NOS1: variants seen among roughly 807,000 people sequenced by gnomAD.
NOS1 encodes nitric oxide synthase 1.
NOS1 carries 51 observed loss-of-function variants against 164.5 expected under a neutral mutation model. The ratio of observed to expected loss-of-function variants is 0.31; its 90% CI spans 0.25 to 0.39. The LOEUF (loss-of-function observed/expected upper bound fraction) is 0.39, where lower values mean the gene tolerates loss of function less well. Among genes scored for constraint, NOS1 ranks in the 10% least tolerant of loss-of-function variants. NOS1 has a pLI of 1.00. For missense variants in NOS1, 1,362 were observed against 1,885.6 expected (o/e 0.72, Z 5.14); for synonymous variants, 719 against 745.8 (o/e 0.96, Z 0.59).
At chr12:117,287,499 T>C (rs948712673) in intron 5 of NOS1, among the ~76,000 whole-genome samples, 6 of 152,018 alleles carry the variant, frequency 3.9e-5, no homozygotes, top group Non-Finnish European at 7.4e-5. Context: ...AGTGCAGTGG[T>C]GTGATCTTGG....
intron 3 of NOS1, among the ~76,000 whole-genome samples, chr12:117,291,327 A>AG (rs1018009672): frequency 1.3e-5 from 2 of 152,170 alleles, no homozygotes; most frequent in Non-Finnish European, 2.9e-5. Flanking sequence ...TTCCTGCCTC[A>AG]GGGCCTTTGC....
In NOS1 at chr12:117,267,447, C is replaced by T. The variant is rs143554936; in HGVS notation, c.1941+596G>A. On this transcript the variant is annotated intron_variant, in intron 11 of 28. Transcript: ENST00000317775. ...ACTAAAAATACAAAAATTAGCTGGG[C>T]GCGGTGGTGGGCATCTGTAATCCCA... 6.4e-3 allele frequency among the ~76,000 whole-genome samples: 979 copies of T among 152,150 alleles called. 10 individuals carry two copies. The highest frequency in any genetic ancestry group is 0.022 in the African/African-American group (932 of 41,532).
intron 13 of NOS1, among the ~76,000 whole-genome samples, chr12:117,260,983 C>T (rs1208673677): frequency 2.0e-5 from 3 of 151,716 alleles, no homozygotes; most frequent in African/African-American, 7.3e-5. Context: ...GCCTGGGCAA[C>T]AAGGTGAAAC....
intron 16 of NOS1, among the ~76,000 whole-genome samples, chr12:117,257,929 C>T (rs1223054115): frequency 6.6e-6 from 1 of 151,768 alleles, no homozygotes; most frequent in East Asian, 1.9e-4. Context: ...CTCAGCCTCC[C>T]GAGTAGCTGG....
chr12:117,339,804 A>T (rs987188384), intron 1 of NOS1, among the ~76,000 whole-genome samples: 6 of 152,194 alleles, frequency 3.9e-5, no homozygotes, highest in Non-Finnish European at 4.4e-5. Context: ...TTAGAAATAT[A>T]ATTATAAGTC....
intron 1 of NOS1, among the ~76,000 whole-genome samples, chr12:117,359,972 C>G (rs1593049845): frequency 7.8e-6 from 1 of 127,706 alleles, no homozygotes; most frequent in African/African-American, 2.9e-5. Flanking sequence ...CTTACCCTGA[C>G]TTCATATTCA....
chr12:117,306,945 G>A (rs184722200), intron 3 of NOS1, among the ~76,000 whole-genome samples: 4 of 152,244 alleles, frequency 2.6e-5, no homozygotes, highest in African/African-American at 9.6e-5. Context: ...TATAATGCCT[G>A]TTTCCTTTTT....
intron 10 of NOS1, among the ~76,000 whole-genome samples, chr12:117,269,994 C>T (rs555360007): frequency 6.6e-6 from 1 of 152,280 alleles, no homozygotes; most frequent in South Asian, 2.1e-4. Context: ...CAGCTAGTCT[C>T]AGAGGTGGAG....
At chr12:117,347,576 G>T (rs1253822440) in intron 1 of NOS1, among the ~76,000 whole-genome samples, 1 of 152,152 alleles carries the variant, frequency 6.6e-6, no homozygotes, top group Non-Finnish European at 1.5e-5. Context: ...CCCTGCTAGT[G>T]AGTGAGTTTT....
chr12:117,231,846 G>GC (rs1218499067), intron 22 of NOS1, 116 bp downstream of exon 22: 2 of 1,111,934 alleles, frequency 1.8e-6, no homozygotes, highest in Non-Finnish European at 2.6e-6. Context: ...GCAAATAATG[G>GC]CCCCCTTGGC....
intron 1 of NOS1, among the ~76,000 whole-genome samples, chr12:117,353,391 C>T (rs1444312704): frequency 6.6e-6 from 1 of 152,190 alleles, no homozygotes; most frequent in African/African-American, 2.4e-5. Context: ...GAACAAGTTG[C>T]AGAATCATGA....
intron 3 of NOS1, among the ~76,000 whole-genome samples, chr12:117,299,639 A>C (rs1051246590): frequency 1.4e-5 from 2 of 145,420 alleles, no homozygotes; most frequent in Non-Finnish European, 3.0e-5. Context: ...TGTCTCCAAA[A>C]AAAAAAAAAA....
intron 3 of NOS1, among the ~76,000 whole-genome samples, chr12:117,299,563 C>T (rs56055835): frequency 0.016 from 2,271 of 144,398 alleles, 54 homozygotes; most frequent in African/African-American, 0.053. Context: ...GGCTTGAACC[C>T]GGGAGGCGGA....
chr12:117,273,604 T>G (rs1287199844), intron 9 of NOS1, among the ~76,000 whole-genome samples: 1 of 152,190 alleles, frequency 6.6e-6, no homozygotes, highest in Non-Finnish European at 1.5e-5. Context: ...AGTTACTTTT[T>G]GCATCAACCT....
chr12:117,308,417 G>C (rs1379728684), intron 3 of NOS1, among the ~76,000 whole-genome samples: 3 of 152,142 alleles, frequency 2.0e-5, no homozygotes, highest in Admixed American at 6.6e-5. Flanking sequence ...GCTGCAGTGG[G>C]AGGATCTCTT....
At position 117,218,005 on chromosome 12, in the gene NOS1, G is replaced by C. The variant is rs750824910; in HGVS notation, c.4289+41C>G. 3 of 1,413,288 alleles carry C rather than the reference G, an allele frequency of 2.1e-6. No homozygotes were observed. The Admixed American group carries it at 5.0e-5, about 24-fold the overall frequency. 87.5% of individuals were successfully genotyped at this position (1,413,288 alleles called of 1,614,324 possible). A position where few individuals can be genotyped will look rare whatever the true frequency, so the allele number is the denominator to read the frequency against. On this transcript the variant is annotated intron_variant, in intron 28 of 28. Coordinates refer to ENST00000317775, the MANE Select transcript of NOS1 (RefSeq NM_000620.5). ...CCTGCCCAGTGGGACCTAGAAGAGAGGGCTCTTCCTGCCCCTCACCCAGGG... is the reference window on the plus strand; with the variant it reads ...CCTGCCCAGTGGGACCTAGAAGAGACGGCTCTTCCTGCCCCTCACCCAGGG...
At chr12:117,323,270 A>C (rs1342528479) in intron 2 of NOS1, among the ~76,000 whole-genome samples, 2 of 152,234 alleles carry the variant, frequency 1.3e-5, no homozygotes, top group African/African-American at 4.8e-5. Flanking sequence ...GGCATCCCTC[A>C]GGGTGACCTG....
intron 3 of NOS1, chr12:117,309,284 C>T: frequency 1.1e-6 from 1 of 902,698 alleles, no homozygotes. Flanking sequence ...GCTAGAGGGA[C>T]ATTCAGCTAG....
chr12:117,282,225 A>AAAAGG (rs1360219944), intron 7 of NOS1, among the ~76,000 whole-genome samples: 2 of 152,130 alleles, frequency 1.3e-5, no homozygotes, highest in African/African-American at 4.8e-5. Flanking sequence ...GGAAAAAAAA[A>AAAAGG]AAAGGAAAGG....
Sources: allele counts gnomAD v4.1 joint callset (sites outside exome capture counted in the v4.1 genomes callset), GRCh38; gene constraint gnomAD v4.1.1; transcripts MANE v1.5; gene names NCBI Gene and HGNC (gene_info 2026-07-23, HGNC 2026-07-21).